The following RELCH variants were observed in gnomAD, a reference collection of about 807,000 sequenced individuals.
RELCH encodes the protein RAB11-binding protein RELCH.
RELCH carries 41 observed loss-of-function variants against 150.3 expected under a neutral mutation model. That is an observed-to-expected ratio of 0.27 (90% CI 0.21 to 0.35). The LOEUF (loss-of-function observed/expected upper bound fraction) is 0.35. Ranked by LOEUF, RELCH falls within the 10% of genes least tolerant of loss-of-function variation. The pLI is 1.00. For synonymous variants in RELCH, 478 were observed against 531.8 expected (o/e 0.90, Z 1.39); for missense variants, 1,092 against 1,467.8 (o/e 0.74, Z 4.18).
chr18:62,280,551 C>T, intron 23 of RELCH, 95 bp from the exon 24 acceptor site: 1 of 1,258,532 alleles, frequency 7.9e-7, no homozygotes, highest in Non-Finnish European at 1.2e-6. Context: ...GAGACTAATA[C>T]AGTATATTTA....
Position 62,264,049 on chromosome 18 carries a change from G to A in RELCH, c.2411G>A (p.Arg804His), listed in dbSNP as rs764785928. 2.0e-5 allele frequency: 32 copies of A among 1,608,796 alleles called. No individual in the cohort carries two copies. The highest frequency in any genetic ancestry group is 1.4e-4 in the Admixed American group (8 of 59,046). ...GATGTGTCCACTATTATCGGAAGTCGTGAGCAATTGGCAGTGCTGCTGCAA... is the reference window on the plus strand; with the variant it reads ...GATGTGTCCACTATTATCGGAAGTCATGAGCAATTGGCAGTGCTGCTGCAA... ...LQDVSTIIGS[R>H]EQLAVLLQLY... Residue 804 changes from arginine to histidine, a missense_variant, in exon 17 of 29, where the codon CGT (arginine) becomes CAT (histidine). Physicochemically the swap from Arg to His is conservative, Grantham distance 29 (BLOSUM62 0). Transcript: ENST00000644646.
At position 62,309,711 on chromosome 18, in the gene RELCH, C is replaced by T. The variant is rs2045959994; in HGVS notation, c.*4177C>T. 6.6e-6 allele frequency: 1 copy of T among 152,170 alleles called. No homozygotes were observed. Among genetic ancestry groups the T allele is most frequent in the Non-Finnish European group, 1.5e-5 (1 of 68,024 alleles). The allele number at this position is 152,170 out of a possible 1,614,324, so 9.4% of individuals were successfully genotyped here. On this transcript the variant is annotated 3_prime_UTR_variant, in exon 29 of 29. Coordinates refer to ENST00000644646, the MANE Select transcript of RELCH (RefSeq NM_001346231.2). ...GGAAATTCTGTCCCCCGCATATCTA[C>T]ATGGAGAACTATATTACTATTTTAA...
rs2045879402 is a variant in RELCH, at chr18:62,306,370, T to C, written c.*836T>C. The C allele has an allele frequency of 2.6e-5, 4 of 152,196 alleles. No individual in the cohort carries two copies. The highest frequency in any genetic ancestry group is 5.9e-5 in the Non-Finnish European group (4 of 68,024). The allele number at this position is 152,196 out of a possible 1,614,324, so 9.4% of individuals were successfully genotyped here. The stretch of plus-strand genomic sequence containing the variant: ...TTGTGAGATTTTTCCCAAATTGAGA[T>C]ACAGAAGAAAATATAGTTTGAATCT... On this transcript the variant is annotated 3_prime_UTR_variant, in exon 29 of 29. Coordinates refer to ENST00000644646, the MANE Select transcript of RELCH (RefSeq NM_001346231.2).
intron 14 of RELCH, among the ~76,000 whole-genome samples, 178 bp from the exon 15 acceptor site, chr18:62,258,334 C>T (rs1477095791): frequency 6.6e-6 from 1 of 151,962 alleles, no homozygotes; most frequent in East Asian, 1.9e-4. Flanking sequence ...ATGTTTACCA[C>T]TCCCTCTCTT....
intron 25 of RELCH, 73 bp from the exon 26 acceptor site, chr18:62,287,278 T>C: frequency 1.4e-6 from 1 of 735,752 alleles, no homozygotes; most frequent in South Asian, 1.5e-5. Flanking sequence ...AGTGATAAAT[T>C]ATTGTTAAAG....
intron 27 of RELCH, among the ~76,000 whole-genome samples, chr18:62,293,068 A>C (rs185941311): frequency 6.6e-6 from 1 of 152,250 alleles, no homozygotes; most frequent in African/African-American, 2.4e-5. Context: ...ACTCTGCCCC[A>C]GCCATGCCAA....
chr18:62,224,714 G>A (rs189865160), intron 5 of RELCH, among the ~76,000 whole-genome samples: 49 of 152,200 alleles, frequency 3.2e-4, no homozygotes, highest in African/African-American at 1.1e-3. Flanking sequence ...TACACTGAAA[G>A]CTACTTAACA....
chr18:62,244,666 A>C, intron 10 of RELCH, 98 bp from the exon 11 acceptor site: 2 of 769,536 alleles, frequency 2.6e-6, no homozygotes, highest in Non-Finnish European at 4.3e-6. Flanking sequence ...ACTGAGGTTT[A>C]TTTCACTTTA....
At chr18:62,256,680 A>G (rs965348080) in intron 13 of RELCH, among the ~76,000 whole-genome samples, 6 of 152,026 alleles carry the variant, frequency 3.9e-5, no homozygotes, top group African/African-American at 1.4e-4. Flanking sequence ...CAGTGTGTTC[A>G]TGACTTAAAT....
chr18:62,292,235 TCCATTGAAACTG>T (rs2045185838), intron 27 of RELCH, among the ~76,000 whole-genome samples: 1 of 152,166 alleles, frequency 6.6e-6, no homozygotes, highest in Admixed American at 6.5e-5. Flanking sequence ...ATCACACTAA[TCCATTGAAACTG>T]CCATCTTTAA....
At position 62,212,555 on chromosome 18, in the gene RELCH, G is replaced by A. The variant is rs148757246; in HGVS notation, c.616+1313G>A. Among the ~76,000 whole-genome samples, 244 of 152,194 alleles carry A rather than the reference G, an allele frequency of 1.6e-3. 1 individual carries two copies. The highest frequency in any genetic ancestry group is 5.3e-3 in the African/African-American group (220 of 41,518). On this transcript the variant is annotated intron_variant, in intron 2 of 28. Transcript: ENST00000644646. ...AAAACATACCAAATGCTTAACCCTC[G>A]TGGTCATTATGAATAAAAATGAGTG...
chr18:62,207,490 T>C (rs951040590), intron 1 of RELCH, among the ~76,000 whole-genome samples: 2 of 152,244 alleles, frequency 1.3e-5, no homozygotes, highest in Admixed American at 6.5e-5. Flanking sequence ...TGTGGACATA[T>C]ACTGTCCTTT....
At position 62,269,505 on chromosome 18, in the gene RELCH, G is replaced by A. The variant is rs530144567; in HGVS notation, c.2760+557G>A. The A allele has an allele frequency of 1.8e-4, 51 of 288,490 alleles. 1 individual carries two copies. Among genetic ancestry groups the A allele is most frequent in the South Asian group, 1.5e-3 (51 of 34,892 alleles). 17.9% of individuals were successfully genotyped at this position (288,490 alleles called of 1,614,324 possible). On this transcript the variant is annotated intron_variant, in intron 20 of 28. Coordinates refer to ENST00000644646, the MANE Select transcript of RELCH (RefSeq NM_001346231.2). The stretch of plus-strand genomic sequence containing the variant: ...GTTTCATATACACATTATACACATA[G>A]CCTGAAGGTAATTTTATACAATATT...
In RELCH at chr18:62,287,410, A is replaced by T; in HGVS notation, c.3313A>T (p.Lys1105Ter). The T allele has an allele frequency of 6.2e-7, 1 of 1,610,792 alleles. No individual in the cohort carries two copies. Among genetic ancestry groups the T allele is most frequent in the Non-Finnish European group, 8.5e-7 (1 of 1,177,664 alleles). ...GAACAACTTACAGATTGTGGATTCT[A>T]AAAGACTGGACATTGCTACGCATCT... ...LVNNLQIVDS[K>*]RLDIATHLFE... The change falls in exon 26 of 29, where the codon AAA becomes TAA. Residue 1105 changes from lysine to a stop codon, truncating the protein, a stop_gained. Transcript: ENST00000644646. LOFTEE classifies it high-confidence loss of function.
intron 15 of RELCH, 36 bp downstream of exon 15, chr18:62,258,712 C>G: frequency 6.9e-7 from 1 of 1,443,374 alleles, no homozygotes; most frequent in Non-Finnish European, 9.4e-7. Context: ...TTTGTAGAAA[C>G]TTAAAAGGTC....
At chr18:62,265,836 TCTC>T (rs1371032392) in intron 18 of RELCH, among the ~76,000 whole-genome samples, 1 of 152,006 alleles carries the variant, frequency 6.6e-6, no homozygotes, top group African/African-American at 2.4e-5. Context: ...TTGGCCTTTC[TCTC>T]AGTTTAAGCT....
chr18:62,244,131 C>G (rs2042285659), intron 10 of RELCH, among the ~76,000 whole-genome samples: 1 of 152,048 alleles, frequency 6.6e-6, no homozygotes, highest in Non-Finnish European at 1.5e-5. Context: ...TTAGCTCTTA[C>G]TTTCCTACAA....
At chr18:62,284,231 T>C (rs1042780935) in intron 25 of RELCH, 1 of 152,240 alleles carries the variant, frequency 6.6e-6, no homozygotes, top group Non-Finnish European at 1.5e-5. Context: ...TTCCATTTTA[T>C]TTGACAGTTT....
intron 2 of RELCH, among the ~76,000 whole-genome samples, chr18:62,218,240 C>T (rs1165411490): frequency 1.3e-5 from 2 of 151,734 alleles, no homozygotes; most frequent in East Asian, 1.9e-4. Context: ...TGAAAGAAGA[C>T]AATTTTACAT....
Sources: allele counts gnomAD v4.1 joint callset (sites outside exome capture counted in the v4.1 genomes callset), GRCh38; gene constraint gnomAD v4.1.1; transcripts MANE v1.5; gene names NCBI Gene and HGNC (gene_info 2026-07-23, HGNC 2026-07-21).